EDRF1: variants seen among roughly 807,000 people sequenced by gnomAD.
The protein encoded by EDRF1 is erythroid differentiation regulatory factor 1.
In EDRF1, 69 loss-of-function variants were observed where a neutral mutation model predicts 148.7. That is an observed-to-expected ratio of 0.46 (90% CI 0.38 to 0.57). EDRF1 has a LOEUF of 0.57. Ranked by LOEUF, EDRF1 falls within the 20% of genes least tolerant of loss-of-function variation. The pLI, the probability that EDRF1 is intolerant of heterozygous loss-of-function variation, is 0.00. For synonymous variants in EDRF1, 515 were observed against 532.8 expected (o/e 0.97, Z 0.46); for missense variants, 1,118 against 1,478.7 (o/e 0.76, Z 4.00).
chr10:125,721,362 A>C lies in EDRF1; in HGVS notation c.267A>C (p.Pro89=), dbSNP rs1847992300. Residue 89 remains proline, a synonymous_variant, in exon 2 of 25, where the codon CCA becomes CCC. Transcript: ENST00000356792. ...TACGAGAGAGTGCCAAACTAGGGCC[A>C]GCAGGAACTACCATTCTTGGCAACA... ...NWLRESAKLG[P]AGTTILGNSK... The C allele has an allele frequency of 6.2e-7, 1 of 1,614,112 alleles. No individual in the cohort carries two copies. The highest frequency in any genetic ancestry group is 1.7e-5 in the Admixed American group (1 of 60,016).
At chr10:125,728,506 G>A (rs1291217408) in intron 6 of EDRF1, among the ~76,000 whole-genome samples, 1 of 152,016 alleles carries the variant, frequency 6.6e-6, no homozygotes, top group East Asian at 1.9e-4. Flanking sequence ...TCAAACTGTG[G>A]CTGAGTAAGA....
intron 22 of EDRF1, 142 bp from the exon 23 acceptor site, chr10:125,752,657 G>C (rs1350306227): frequency 1.6e-6 from 1 of 625,932 alleles, no homozygotes; most frequent in African/African-American, 1.8e-5. Context: ...TTATTAAATA[G>C]AAGTTGGATT....
chr10:125,753,000 TGTGG>T, intron 23 of EDRF1, 86 bp downstream of exon 23: 3 of 916,960 alleles, frequency 3.3e-6, no homozygotes, highest in East Asian at 2.5e-5. Flanking sequence ...TGTGTATGTG[TGTGG>T]GTATATATAC....
At chr10:125,759,386 A>C (rs1850079229) in intron 24 of EDRF1, among the ~76,000 whole-genome samples, 1 of 152,174 alleles carries the variant, frequency 6.6e-6, no homozygotes, top group South Asian at 2.1e-4. Flanking sequence ...CATGGATTTA[A>C]GAAGAGCCAT....
chr10:125,721,879 A>G (rs1848024484), intron 2 of EDRF1, among the ~76,000 whole-genome samples: 1 of 152,214 alleles, frequency 6.6e-6, no homozygotes, highest in Admixed American at 6.5e-5. Flanking sequence ...TGACACCAGA[A>G]CTGATGGTGT....
At chr10:125,735,570 T>C (rs1246601957) in intron 12 of EDRF1, 74 bp from the exon 13 acceptor site, 2 of 1,476,942 alleles carry the variant, frequency 1.4e-6, no homozygotes, top group African/African-American at 2.8e-5. Flanking sequence ...CTCCTAAAAT[T>C]CGTTAGTATG....
In EDRF1 at chr10:125,733,602, T is replaced by C. The variant is rs768360240; in HGVS notation, c.1277-33T>C. ...AACAATAATTGATTTGGGTAACTGC[T>C]GTGAAATGAGTCTTCTTTGTTTTTC... On this transcript the variant is annotated intron_variant, in intron 10 of 24. Coordinates refer to ENST00000356792, the MANE Select transcript of EDRF1 (RefSeq NM_001202438.2). The C allele has an allele frequency of 6.2e-6, 10 of 1,610,650 alleles. No homozygotes were observed. In the African/African-American group the frequency reaches 1.3e-4, roughly 22 times the overall value.
At chr10:125,739,712 G>A (rs1848916693) in intron 15 of EDRF1, among the ~76,000 whole-genome samples, 1 of 152,330 alleles carries the variant, frequency 6.6e-6, no homozygotes, top group Non-Finnish European at 1.5e-5. Flanking sequence ...CAGGCTGGGG[G>A]AAGGGGTGGG....
chr10:125,747,351 A>G, intron 19 of EDRF1, 185 bp from the exon 20 acceptor site: 2 of 707,952 alleles, frequency 2.8e-6, no homozygotes, highest in Non-Finnish European at 4.7e-6. Flanking sequence ...TCTACTCGGA[A>G]TAACTTTCTT....
At chr10:125,754,462 T>C (rs1250515087) in intron 24 of EDRF1, among the ~76,000 whole-genome samples, 1 of 152,220 alleles carries the variant, frequency 6.6e-6, no homozygotes, top group Non-Finnish European at 1.5e-5. Context: ...TCTGCGTTTC[T>C]AGTGATGCTT....
At chr10:125,743,419 G>T in intron 18 of EDRF1, 143 bp downstream of exon 18, 1 of 694,908 alleles carries the variant, frequency 1.4e-6, no homozygotes, top group Admixed American at 2.4e-5. Context: ...TTATTCTTAA[G>T]AAATAGAATT....
In EDRF1 at chr10:125,730,543, T is replaced by C. The variant is rs1266809511; in HGVS notation, c.1128+144T>C. The C allele has an allele frequency of 9.8e-6, 7 of 712,166 alleles. No individual in the cohort carries two copies. In the African/African-American group the frequency reaches 1.1e-4, roughly 11 times the overall value. 44.1% of individuals were successfully genotyped at this position (712,166 alleles called of 1,614,324 possible). On this transcript the variant is annotated intron_variant, in intron 9 of 24. Coordinates refer to ENST00000356792, the MANE Select transcript of EDRF1 (RefSeq NM_001202438.2). ...GAATAAACTGAATTTGAGTGTACAT[T>C]TAAGTTGGTGATAACAGAATTGTAG...
At chr10:125,753,365 A>G (rs1849737308) in intron 23 of EDRF1, among the ~76,000 whole-genome samples, 1 of 152,148 alleles carries the variant, frequency 6.6e-6, no homozygotes, top group Non-Finnish European at 1.5e-5. Context: ...TGCTGTTGCT[A>G]AAAGCTTCCT....
chr10:125,763,646 T>C lies in EDRF1; in HGVS notation c.*174T>C. 1.3e-6 allele frequency: 1 copy of C among 740,782 alleles called. No homozygotes were observed. The highest frequency in any genetic ancestry group is 1.8e-5 in the South Asian group (1 of 55,052). 45.9% of individuals were successfully genotyped at this position (740,782 alleles called of 1,614,324 possible). ...ACAAATTACGGTTGAGTTCTGTGGC[T>C]TCTTCACTTGAAGTGCTAACATCAG... On this transcript the variant is annotated 3_prime_UTR_variant, in exon 25 of 25. Coordinates refer to ENST00000356792, the MANE Select transcript of EDRF1 (RefSeq NM_001202438.2). The surrounding 1 kb of genome is among the most constrained non-coding windows in gnomAD (Gnocchi z 4.3).
rs1370088179 is a variant in EDRF1, at chr10:125,754,416, T to C, written c.3545+571T>C. Reference sequence around the variant, plus strand: ...AGGGCAAATACTCTGTTGTTAACGTTTTCCTTGAGGGAGATGAATAACCCT... The same window carrying C: ...AGGGCAAATACTCTGTTGTTAACGTCTTCCTTGAGGGAGATGAATAACCCT... On this transcript the variant is annotated intron_variant, in intron 24 of 24. Transcript: ENST00000356792. Among the ~76,000 whole-genome samples the C allele has an allele frequency of 2.6e-5, 4 of 152,326 alleles. No homozygotes were observed. The South Asian group carries it at 8.3e-4, about 32-fold the overall frequency.
chr10:125,742,875 T>C, intron 17 of EDRF1, 183 bp from the exon 18 acceptor site: 1 of 860,120 alleles, frequency 1.2e-6, no homozygotes, highest in Non-Finnish European at 1.4e-6. Context: ...CCAAGAAATA[T>C]AATTTTATAA....
rs577579330 is a variant in EDRF1 at position 125,763,169 on chromosome 10, C to A, written c.3546-132C>A. 1 of 883,266 alleles carries A rather than the reference C, an allele frequency of 1.1e-6. No individual in the cohort carries two copies. Among genetic ancestry groups the A allele is most frequent in the East Asian group, 2.5e-5 (1 of 39,692 alleles). 54.7% of individuals were successfully genotyped at this position (883,266 alleles called of 1,614,324 possible). On this transcript the variant is annotated intron_variant, in intron 24 of 24. Coordinates refer to ENST00000356792, the MANE Select transcript of EDRF1 (RefSeq NM_001202438.2). This position sits in a 1 kb window ranked among gnomAD's most constrained non-coding sequence, Gnocchi z 4.3. ...ATGTAAAAGAAGGCAGGTCTGAACCCGGCAGGAGAGGAATGCCTGCTGCTC... is the reference window on the plus strand; with the variant it reads ...ATGTAAAAGAAGGCAGGTCTGAACCAGGCAGGAGAGGAATGCCTGCTGCTC...
chr10:125,754,422 T>C (rs958413536), intron 24 of EDRF1, among the ~76,000 whole-genome samples: 4 of 152,220 alleles, frequency 2.6e-5, no homozygotes, highest in African/African-American at 9.6e-5. Flanking sequence ...ACGTTTTCCT[T>C]GAGGGAGATG....
chr10:125,721,633 G>A (rs981172184), intron 2 of EDRF1, among the ~76,000 whole-genome samples: 36 of 152,134 alleles, frequency 2.4e-4, no homozygotes, highest in Admixed American at 6.5e-4. Flanking sequence ...TTAAGTCTAC[G>A]TCATGTTATC....
Sources: gnomAD v4.1 joint callset for allele counts (sites outside exome capture counted in the v4.1 genomes callset) on GRCh38, gnomAD v4.1.1 for gene constraint, Gnocchi (gnomAD v3.1) non-coding constraint, MANE v1.5 for transcripts, NCBI Gene and HGNC (gene_info 2026-07-23, HGNC 2026-07-21) for gene names.